RNF216: variants seen among roughly 807,000 people sequenced by gnomAD.
The protein encoded by RNF216 is E3 ubiquitin-protein ligase RNF216.
A neutral mutation model predicts 110.8 loss-of-function variants in RNF216; 72 were observed. The observed-to-expected ratio is 0.65, with a 90% confidence interval of 0.54 to 0.79. The LOEUF (loss-of-function observed/expected upper bound fraction) is 0.79, where lower values mean the gene tolerates loss of function less well. RNF216 is among the 30% of genes least tolerant of loss of function. RNF216 has a pLI of 0.00. For missense variants in RNF216, 1,342 were observed against 1,141.2 expected, an observed-to-expected ratio of 1.18 and a Z score of -2.54; for synonymous variants, 495 against 407.5, an observed-to-expected ratio of 1.21 and a Z score of -2.59.
At chr7:5,717,718 G>C (rs561950054) in intron 9 of RNF216, among the ~76,000 whole-genome samples, 1 of 152,350 alleles carries the variant, frequency 6.6e-6, no homozygotes, top group Non-Finnish European at 1.5e-5. Flanking sequence ...TTGCTGCAGA[G>C]TGACTGCCAG....
At chr7:5,646,305 T>A (rs1584369451) in intron 14 of RNF216, among the ~76,000 whole-genome samples, 1 of 149,980 alleles carries the variant, frequency 6.7e-6, no homozygotes, top group Non-Finnish European at 1.5e-5. Context: ...GAGGTGGAGG[T>A]TGCAGTGAGC....
intron 3 of RNF216, among the ~76,000 whole-genome samples, chr7:5,743,495 G>C (rs947153248): frequency 6.6e-6 from 1 of 152,096 alleles, no homozygotes; most frequent in African/African-American, 2.4e-5. Context: ...CAAAAAAAGA[G>C]GTAGCTCAGT....
intron 13 of RNF216, among the ~76,000 whole-genome samples, chr7:5,708,623 T>C (rs1450766870): frequency 6.6e-6 from 1 of 152,248 alleles, no homozygotes; most frequent in East Asian, 1.9e-4. Flanking sequence ...TGCTAAATCG[T>C]AGGCTAATAT....
chr7:5,643,809 C>A (rs1787887205), intron 14 of RNF216, among the ~76,000 whole-genome samples: 2 of 152,124 alleles, frequency 1.3e-5, no homozygotes, highest in African/African-American at 2.4e-5. Context: ...CAAAAGGAAA[C>A]CCTGTACCCA....
At chr7:5,698,953 G>A (rs1791801652) in intron 13 of RNF216, among the ~76,000 whole-genome samples, 1 of 152,162 alleles carries the variant, frequency 6.6e-6, no homozygotes, top group Non-Finnish European at 1.5e-5. Flanking sequence ...GTCCCCAAGA[G>A]TGAACTGGAA....
chr7:5,671,449 A>G (rs924386294), intron 13 of RNF216, among the ~76,000 whole-genome samples: 2 of 152,148 alleles, frequency 1.3e-5, no homozygotes, highest in Non-Finnish European at 2.9e-5. Flanking sequence ...GACTTTAAAG[A>G]GGTGATTATA....
chr7:5,778,455 T>C (rs1796900412), intron 1 of RNF216, among the ~76,000 whole-genome samples: 1 of 152,206 alleles, frequency 6.6e-6, no homozygotes, highest in Non-Finnish European at 1.5e-5. Context: ...AATACTTTAA[T>C]ATACTTATTT....
chr7:5,742,160 C>T (rs1794793847), intron 3 of RNF216, among the ~76,000 whole-genome samples: 2 of 152,154 alleles, frequency 1.3e-5, no homozygotes, highest in Admixed American at 1.3e-4. Context: ...AACTCTTGTG[C>T]CTCAGCCTCC....
intron 4 of RNF216, among the ~76,000 whole-genome samples, chr7:5,740,575 G>GT (rs1426177797): frequency 6.6e-6 from 1 of 152,138 alleles, no homozygotes; most frequent in Non-Finnish European, 1.5e-5. Flanking sequence ...TTATTTAACT[G>GT]TAAGACATTT....
At chr7:5,650,778 G>A (rs1788339490) in intron 14 of RNF216, among the ~76,000 whole-genome samples, 1 of 152,186 alleles carries the variant, frequency 6.6e-6, no homozygotes, top group Non-Finnish European at 1.5e-5. Context: ...GGATAATCCA[G>A]ATAACCTCCC....
intron 1 of RNF216, among the ~76,000 whole-genome samples, chr7:5,777,033 G>C (rs533551295): frequency 6.6e-6 from 1 of 152,076 alleles, no homozygotes; most frequent in Non-Finnish European, 1.5e-5. Flanking sequence ...GGGCTCCTGG[G>C]CCCAGAGTCA....
chr7:5,768,346 TACACACAC>T (rs71004702), intron 1 of RNF216, among the ~76,000 whole-genome samples: 3,361 of 71,926 alleles, frequency 0.047, 214 homozygotes, highest in African/African-American at 0.13. Context: ...GGCAGGCAAA[TACACACAC>T]ACACACACAC....
chr7:5,772,283 C>T (rs141942747), intron 1 of RNF216, among the ~76,000 whole-genome samples: 128 of 152,260 alleles, frequency 8.4e-4, no homozygotes, highest in African/African-American at 2.9e-3. Flanking sequence ...TCTGGGAAGA[C>T]AGTAGTAGTA....
intron 2 of RNF216, among the ~76,000 whole-genome samples, chr7:5,758,633 C>A (rs140800900): frequency 6.6e-6 from 1 of 152,108 alleles, no homozygotes; most frequent in Non-Finnish European, 1.5e-5. Flanking sequence ...ATTTAATGAC[C>A]GCCCTGCTGG....
rs148189063 is a variant in RNF216 at position 5,636,914 on chromosome 7, C to G, written c.2382+4240G>C. Among the ~76,000 whole-genome samples the G allele has an allele frequency of 1.4e-4, 22 of 152,266 alleles. No homozygotes were observed. The East Asian group carries it at 3.7e-3, about 25-fold the overall frequency. On this transcript the variant is annotated intron_variant, in intron 15 of 16. Transcript: ENST00000389902. Reference sequence around the variant, plus strand: ...CATGAGAAACCCACACCATCAATCCCAGGCATGGGAAGCAACGGGAGGAGG... The same window carrying G: ...CATGAGAAACCCACACCATCAATCCGAGGCATGGGAAGCAACGGGAGGAGG...
In RNF216 at chr7:5,741,434, C is replaced by G; in HGVS notation, c.583G>C (p.Glu195Gln). The G allele has an allele frequency of 6.2e-7, 1 of 1,614,172 alleles. No homozygotes were observed. The highest frequency in any genetic ancestry group is 8.5e-7 in the Non-Finnish European group (1 of 1,180,022). ...SLLYTESDPL[E>Q]TQNQSSEDSE... ...TCTTCGGATGACTGGTTCTGAGTTTCCAAAGGATCGCTTTCTGTGTAAAGA... is the reference window on the plus strand; with the variant it reads ...TCTTCGGATGACTGGTTCTGAGTTTGCAAAGGATCGCTTTCTGTGTAAAGA... Residue 195 changes from glutamate (E) to glutamine (Q), a missense_variant, in exon 4 of 17, where the codon GAA becomes CAA. Coordinates refer to ENST00000389902, the MANE Select transcript of RNF216 (RefSeq NM_207111.4).
intron 15 of RNF216, among the ~76,000 whole-genome samples, chr7:5,628,657 G>T (rs927774035): frequency 6.7e-6 from 1 of 149,828 alleles, no homozygotes; most frequent in Non-Finnish European, 1.5e-5. Context: ...TGGTAGCTCA[G>T]ACTACAGGCG....
intron 13 of RNF216, among the ~76,000 whole-genome samples, chr7:5,682,591 G>C (rs1790731272): frequency 6.6e-6 from 1 of 151,970 alleles, no homozygotes; most frequent in African/African-American, 2.4e-5. Flanking sequence ...ATTTTTAGTA[G>C]AGACAGGGTT....
chr7:5,640,014 C>A (rs1787638001), intron 15 of RNF216, among the ~76,000 whole-genome samples: 1 of 151,926 alleles, frequency 6.6e-6, no homozygotes. Flanking sequence ...CCGCCTCAGC[C>A]TCCCAAAGTG....
Sources: allele counts gnomAD v4.1 joint callset (sites outside exome capture counted in the v4.1 genomes callset), GRCh38; gene constraint gnomAD v4.1.1; transcripts MANE v1.5; gene names NCBI Gene and HGNC (gene_info 2026-07-23, HGNC 2026-07-21).